C1QTNF5: variants seen among roughly 807,000 people sequenced by gnomAD.
The protein encoded by C1QTNF5 is C1q and TNF related 5.
In C1QTNF5, 5 loss-of-function variants were observed where a neutral mutation model predicts 10.9. The ratio of observed to expected loss-of-function variants is 0.46; its 90% CI spans 0.24 to 0.97. The LOEUF (loss-of-function observed/expected upper bound fraction) is 0.97, where lower values mean the gene tolerates loss of function less well. Ranked by LOEUF, C1QTNF5 falls within the 50% of genes least tolerant of loss-of-function variation. The pLI is 0.19. For synonymous variants in C1QTNF5, 161 were observed against 156.5 expected (o/e 1.03, Z -0.22); for missense variants, 281 against 339.4 (o/e 0.83, Z 1.35).
upstream of C1QTNF5, chr11:119,343,958 T>C (rs750097436): frequency 1.2e-6 from 2 of 1,611,344 alleles, no homozygotes; most frequent in South Asian, 1.1e-5. Context: ...ATATGCCAGG[T>C]GCAGAGCTGG....
At chr11:119,344,239 A>G, upstream of C1QTNF5, 1 of 1,365,440 alleles carries the variant, frequency 7.3e-7, no homozygotes, top group Non-Finnish European at 1.0e-6. Context: ...CTACCATGCC[A>G]TTCCCATTAC....
At chr11:119,340,643 C>T (rs1298657517) in intron 1 of C1QTNF5, 52 bp downstream of exon 1, 1 of 543,608 alleles carries the variant, frequency 1.8e-6, no homozygotes, top group Non-Finnish European at 3.2e-6. Context: ...CCCGCGCCAG[C>T]CTTTCCCACA....
At chr11:119,343,317 C>A (rs1390510264), upstream of C1QTNF5, among the ~76,000 whole-genome samples, 4 of 152,128 alleles carry the variant, frequency 2.6e-5, no homozygotes, top group Admixed American at 2.6e-4. Context: ...TTGAAACCAG[C>A]CTGGGCGATA....
upstream of C1QTNF5, chr11:119,344,623 G>C (rs2135372011): frequency 1.9e-6 from 3 of 1,614,028 alleles, no homozygotes; most frequent in Non-Finnish European, 2.5e-6. Context: ...CCCCATGCCT[G>C]GCCCGTACCC....
chr11:119,340,076 G>A (rs927998190), intron 2 of C1QTNF5, 108 bp downstream of exon 2: 3 of 1,353,356 alleles, frequency 2.2e-6, no homozygotes, highest in Non-Finnish European at 2.9e-6. Flanking sequence ...CAAAGCGCGG[G>A]GAGTGGCGCC....
At chr11:119,343,669 T>C (rs1591303801), upstream of C1QTNF5, 4 of 1,002,664 alleles carry the variant, frequency 4.0e-6, no homozygotes, top group East Asian at 2.5e-5. Flanking sequence ...GTGAGAGCTG[T>C]CTTTAGGGTG....
At chr11:119,342,059 C>T, upstream of C1QTNF5, 3 of 1,591,146 alleles carry the variant, frequency 1.9e-6, no homozygotes, top group Middle Eastern at 1.7e-4. Flanking sequence ...CACCGAATCG[C>T]TCGGTCCTGT....
At chr11:119,345,376 T>C (rs763899792), upstream of C1QTNF5, 2 of 1,582,842 alleles carry the variant, frequency 1.3e-6, no homozygotes, top group Non-Finnish European at 1.7e-6. Flanking sequence ...CTTTAGATAG[T>C]GGTTCAGGAC....
In C1QTNF5 at chr11:119,339,407, G is replaced by C; in HGVS notation, c.656C>G (p.Ala219Gly). The C allele has an allele frequency of 6.2e-7, 1 of 1,613,356 alleles. No individual in the cohort carries two copies. Among genetic ancestry groups the C allele is most frequent in the Non-Finnish European group, 8.5e-7 (1 of 1,179,462 alleles). ...GAAGGTGCTGTCTGTCTTGATGCTGGCATAGATGCCAATGTAGTCACCCAC... is the reference window on the plus strand; with the variant it reads ...GAAGGTGCTGTCTGTCTTGATGCTGCCATAGATGCCAATGTAGTCACCCAC... The part of the protein sequence containing the change: ...VGVGDYIGIY[A>G]SIKTDSTFSG... The change falls in exon 3 of 3, where the codon GCC becomes GGC. Residue 219 changes from alanine (A) to glycine (G), a missense_variant. Ala to Gly is a moderately conservative substitution (Grantham distance 60, BLOSUM62 0). Coordinates refer to ENST00000528368, the MANE Select transcript of C1QTNF5 (RefSeq NM_001278431.2). The surrounding 1 kb of genome is among the most constrained non-coding windows in gnomAD (Gnocchi z 5.4).
At chr11:119,340,558 C>G in intron 1 of C1QTNF5, 118 bp from the exon 2 acceptor site, 1 of 740,260 alleles carries the variant, frequency 1.4e-6, no homozygotes, top group South Asian at 1.8e-5. Context: ...GCTGAGCGCT[C>G]GCAGGGCCGA....
At chr11:119,341,350 C>G (rs886047825), upstream of C1QTNF5, 43 of 598,842 alleles carry the variant, frequency 7.2e-5, no homozygotes, top group Non-Finnish European at 1.2e-4. Flanking sequence ...AGCCTGGGAC[C>G]GGTAAAGGGA....
chr11:119,343,043 C>T (rs1181268691), upstream of C1QTNF5: 1 of 1,567,364 alleles, frequency 6.4e-7, no homozygotes, highest in Non-Finnish European at 8.6e-7. Context: ...CCAGCCCTGG[C>T]TGACTGAGGG....
At chr11:119,344,773 A>G (rs369657196), upstream of C1QTNF5, 8 of 1,613,820 alleles carry the variant, frequency 5.0e-6, no homozygotes, top group African/African-American at 6.7e-5. Flanking sequence ...TGTGGGCACC[A>G]GGAGTCAGGG....
At chr11:119,343,764 G>A, upstream of C1QTNF5, 1 of 1,609,488 alleles carries the variant, frequency 6.2e-7, no homozygotes, top group South Asian at 1.1e-5. Flanking sequence ...GAAGCCGGGG[G>A]TGGCAGACAG....
upstream of C1QTNF5, chr11:119,343,937 C>T (rs2135370706): frequency 6.2e-7 from 1 of 1,613,534 alleles, no homozygotes; most frequent in Non-Finnish European, 8.5e-7. Flanking sequence ...CTGTGTCCGG[C>T]AGGCACCGAG....
chr11:119,346,177 G>A, the C1QTNF5 span: 1 of 1,576,696 alleles, frequency 6.3e-7, no homozygotes, highest in South Asian at 1.1e-5. Flanking sequence ...TTGGCAGGTG[G>A]GGTTTTGAAA....
the C1QTNF5 span, chr11:119,346,207 C>T: frequency 4.5e-6 from 7 of 1,567,760 alleles, no homozygotes; most frequent in Non-Finnish European, 6.1e-6. Context: ...GTTGGGTATT[C>T]CTCATGCTGT....
chr11:119,345,942 G>A, the C1QTNF5 span: 4 of 1,613,674 alleles, frequency 2.5e-6, no homozygotes, highest in Admixed American at 5.0e-5. Flanking sequence ...GAGGCGAGAA[G>A]ATGGAGGGTG....
At chr11:119,342,826 CT>C (rs752936411), upstream of C1QTNF5, 203 of 1,613,074 alleles carry the variant, frequency 1.3e-4, no homozygotes, top group African/African-American at 2.5e-3. Flanking sequence ...GTCTGTCCCC[CT>C]GGAGGTGCCT....
Sources: allele counts gnomAD v4.1 joint callset (sites outside exome capture counted in the v4.1 genomes callset), GRCh38; gene constraint gnomAD v4.1.1; non-coding constraint Gnocchi (gnomAD v3.1); transcripts MANE v1.5; gene names NCBI Gene and HGNC (gene_info 2026-07-23, HGNC 2026-07-21).